Variants in PHC2 observed in about 807,000 individuals in gnomAD.
The protein encoded by PHC2 is polyhomeotic homolog 2.
Under a neutral mutation model 87.4 loss-of-function variants are expected in PHC2, and 29 were observed. The ratio of observed to expected loss-of-function variants is 0.33; its 90% CI spans 0.25 to 0.45. The LOEUF is 0.45. PHC2 is among the 20% of genes least tolerant of loss of function. The pLI, the probability that PHC2 is intolerant of heterozygous loss-of-function variation, is 1.00. For missense variants in PHC2, 857 were observed against 1,136.7 expected, an observed-to-expected ratio of 0.75 and a Z score of 3.54; for synonymous variants, 438 against 461.7, an observed-to-expected ratio of 0.95 and a Z score of 0.66.
Position 33,349,652 on chromosome 1 carries a change from G to A in PHC2, c.1558+4749C>T. The A allele has an allele frequency of 1.0e-6, 1 of 983,108 alleles. No homozygotes were observed. The highest frequency in any genetic ancestry group is 1.2e-6 in the Non-Finnish European group (1 of 829,320). 60.9% of individuals were successfully genotyped at this position (983,108 alleles called of 1,614,324 possible). ...CGGGGCCTACGCAGCCCCTCGGCCG[G>A]GCGCCGACTCGCGCGGGGTCCCGGG... On this transcript the variant is annotated intron_variant, in intron 9 of 14. Coordinates refer to ENST00000683057, the MANE Select transcript of PHC2 (RefSeq NM_001385109.1). The surrounding 1 kb of genome is among the most constrained non-coding windows in gnomAD (Gnocchi z 4.2).
At chr1:33,330,852 G>A (rs1019073073) in intron 12 of PHC2, among the ~76,000 whole-genome samples, 4 of 152,170 alleles carry the variant, frequency 2.6e-5, no homozygotes, top group South Asian at 2.1e-4. Context: ...CTGTATAAAG[G>A]GGACAATAGT....
chr1:33,401,989 A>C (rs1311569134), intron 1 of PHC2, among the ~76,000 whole-genome samples: 1 of 152,216 alleles, frequency 6.6e-6, no homozygotes, highest in Non-Finnish European at 1.5e-5. Flanking sequence ...GACTACATTA[A>C]AAGAAAAAAT....
At chr1:33,356,757 C>T (rs917374767) in intron 7 of PHC2, among the ~76,000 whole-genome samples, 3 of 152,162 alleles carry the variant, frequency 2.0e-5, no homozygotes, top group South Asian at 2.1e-4. Flanking sequence ...CTTTCCTATT[C>T]GACAAAATCG....
chr1:33,348,127 C>G (rs1646880391), intron 9 of PHC2, among the ~76,000 whole-genome samples: 1 of 152,216 alleles, frequency 6.6e-6, no homozygotes, highest in Non-Finnish European at 1.5e-5. Context: ...TCTTAAGGTT[C>G]AAGACAGCCT....
chr1:33,403,484 C>T (rs1649632359), intron 1 of PHC2, among the ~76,000 whole-genome samples: 1 of 152,136 alleles, frequency 6.6e-6, no homozygotes, highest in African/African-American at 2.4e-5. Context: ...AAGGTAGATG[C>T]AAACAGGGAG....
chr1:33,403,335 C>T (rs551742755), intron 1 of PHC2, among the ~76,000 whole-genome samples: 39 of 151,586 alleles, frequency 2.6e-4, no homozygotes, highest in African/African-American at 8.7e-4. Context: ...CCATGTTGGC[C>T]AGGATGGTCT....
At position 33,382,183 on chromosome 1, in the gene PHC2, G is replaced by A. The variant is rs113159944; in HGVS notation, c.-54-6590C>T. Reference sequence around the variant, plus strand: ...CAGCTTTAAAACTTTTTTTTCTACAGTTCCCCTTTTTGAACCAGAGCTTTC... The same window carrying A: ...CAGCTTTAAAACTTTTTTTTCTACAATTCCCCTTTTTGAACCAGAGCTTTC... On this transcript the variant is annotated intron_variant, in intron 1 of 14. Transcript: ENST00000683057. The surrounding 1 kb of genome is among the most constrained non-coding windows in gnomAD (Gnocchi z 4.3). Among the ~76,000 whole-genome samples, 4 of 152,168 alleles carry A rather than the reference G, an allele frequency of 2.6e-5. 1 individual carries two copies. Among genetic ancestry groups the A allele is most frequent in the African/African-American group, 9.6e-5 (4 of 41,510 alleles).
intron 1 of PHC2, among the ~76,000 whole-genome samples, chr1:33,403,996 C>T (rs1400374571): frequency 2.6e-5 from 4 of 152,318 alleles, no homozygotes; most frequent in East Asian, 3.9e-4. Context: ...TAGACACTCA[C>T]ATCTATGCCT....
rs1647286842 is a variant in PHC2, at chr1:33,364,020, C to T, written c.976+3096G>A. ...CCCTCCCCCACCTGCTCCCCCACCCCTATTCTCGGCATAAGGGACCTTTTC... is the reference window on the plus strand; with the variant it reads ...CCCTCCCCCACCTGCTCCCCCACCCTTATTCTCGGCATAAGGGACCTTTTC... On this transcript the variant is annotated intron_variant, in intron 7 of 14. Coordinates refer to ENST00000683057, the MANE Select transcript of PHC2 (RefSeq NM_001385109.1). This position sits in a 1 kb window ranked among gnomAD's most constrained non-coding sequence, Gnocchi z 4.1. 2 of 436,194 alleles carry T rather than the reference C, an allele frequency of 4.6e-6. No individual in the cohort carries two copies. Among genetic ancestry groups the T allele is most frequent in the South Asian group, 9.5e-5 (1 of 10,540 alleles). The allele number at this position is 436,194 out of a possible 1,614,324, so 27.0% of individuals were successfully genotyped here. A position where few individuals can be genotyped will look rare whatever the true frequency, so the allele number is the denominator to read the frequency against.
chr1:33,401,913 T>G (rs150911593), intron 1 of PHC2, among the ~76,000 whole-genome samples: 1 of 152,100 alleles, frequency 6.6e-6, no homozygotes, highest in African/African-American at 2.4e-5. Flanking sequence ...TAGGAGAAAA[T>G]GTAGGACAAA....
intron 1 of PHC2, among the ~76,000 whole-genome samples, chr1:33,402,868 C>A (rs4652875): frequency 1.1e-4 from 16 of 151,896 alleles, no homozygotes; most frequent in South Asian, 2.1e-4. Flanking sequence ...CTCTGTGGCC[C>A]AGGCTGGAGT....
chr1:33,324,772 C>T lies in PHC2; in HGVS notation c.*93G>A, dbSNP rs760743953. On this transcript the variant is annotated 3_prime_UTR_variant, in exon 15 of 15. Coordinates refer to ENST00000683057, the MANE Select transcript of PHC2 (RefSeq NM_001385109.1). ...CCTAGGGAGAGCCCCTGCCCTCCAACCGGCCCCATTTCTGGGCCCCTCAGG... is the reference window on the plus strand; with the variant it reads ...CCTAGGGAGAGCCCCTGCCCTCCAATCGGCCCCATTTCTGGGCCCCTCAGG... The T allele has an allele frequency of 9.8e-5, 137 of 1,402,714 alleles. No individual in the cohort carries two copies. The highest frequency in any genetic ancestry group is 1.2e-4 in the Non-Finnish European group (128 of 1,042,862). 86.9% of individuals were successfully genotyped at this position (1,402,714 alleles called of 1,614,324 possible).
chr1:33,408,731 CT>C (rs1215284886), intron 1 of PHC2, among the ~76,000 whole-genome samples: 1 of 152,136 alleles, frequency 6.6e-6, no homozygotes, highest in Non-Finnish European at 1.5e-5. Flanking sequence ...CCCCAAAGTG[CT>C]GGGATTACAG....
At chr1:33,412,997 G>A (rs1650046175) in intron 1 of PHC2, among the ~76,000 whole-genome samples, 1 of 151,826 alleles carries the variant, frequency 6.6e-6, no homozygotes, top group South Asian at 2.1e-4. Context: ...ATGGAGTCTC[G>A]CTCTTGTCAC....
chr1:33,367,251 G>T lies in PHC2; in HGVS notation c.841C>A (p.Pro281Thr). The T allele has an allele frequency of 6.2e-7, 1 of 1,614,176 alleles. No homozygotes were observed. Among genetic ancestry groups the T allele is most frequent in the Non-Finnish European group, 8.5e-7 (1 of 1,180,016 alleles). The part of the protein sequence containing the change: ...TAQASPAGAK[P>T]GIADSVMEPH... The stretch of plus-strand genomic sequence containing the variant: ...TCCATCACACTGTCAGCTATGCCAG[G>T]CTTGGCACCTGCAGGGGAAGCCTGA... Residue 281 changes from proline (P) to threonine (T), a missense_variant, in exon 7 of 15, where the codon CCT becomes ACT. By Grantham distance (38) the Pro-to-Thr change is conservative (BLOSUM62 -1). Transcript: ENST00000683057.
At chr1:33,341,572 A>C (rs188952236) in intron 9 of PHC2, among the ~76,000 whole-genome samples, 2 of 152,358 alleles carry the variant, frequency 1.3e-5, no homozygotes, top group African/African-American at 4.8e-5. Context: ...CGAAAAGGAA[A>C]CAGCACATAA....
intron 9 of PHC2, chr1:33,345,710 T>A (rs780506942): frequency 5.3e-5 from 52 of 985,040 alleles, no homozygotes; most frequent in Non-Finnish European, 6.1e-5. Context: ...CTTTTGTTAC[T>A]GATGGGGAAA....
intron 1 of PHC2, among the ~76,000 whole-genome samples, chr1:33,393,229 C>A (rs1649147008): frequency 6.6e-6 from 1 of 152,104 alleles, no homozygotes; most frequent in Non-Finnish European, 1.5e-5. Context: ...CCTAGGAAGG[C>A]AAAGAATGCA....
intron 2 of PHC2, among the ~76,000 whole-genome samples, chr1:33,373,372 C>A (rs912360913): frequency 6.6e-6 from 1 of 152,134 alleles, no homozygotes; most frequent in Non-Finnish European, 1.5e-5. Context: ...CTACCCACCT[C>A]GGTCTCCCAA....
Sources: gnomAD v4.1 joint callset for allele counts (sites outside exome capture counted in the v4.1 genomes callset) on GRCh38, gnomAD v4.1.1 for gene constraint, Gnocchi (gnomAD v3.1) non-coding constraint, MANE v1.5 for transcripts, NCBI Gene and HGNC (gene_info 2026-07-23, HGNC 2026-07-21) for gene names.